Variants in MBNL1 observed in about 807,000 individuals in gnomAD.
MBNL1 encodes muscleblind like splicing regulator 1.
Under a neutral mutation model 42.2 loss-of-function variants are expected in MBNL1, and 8 were observed. That is an observed-to-expected ratio of 0.19 (90% CI 0.11 to 0.34). The LOEUF is 0.34. Ranked by LOEUF, MBNL1 falls within the 10% of genes least tolerant of loss-of-function variation. The pLI, the probability that MBNL1 is intolerant of heterozygous loss-of-function variation, is 1.00. For missense variants in MBNL1, 309 were observed against 495.3 expected, an observed-to-expected ratio of 0.62 and a Z score of 3.57; for synonymous variants, 169 against 173.9, an observed-to-expected ratio of 0.97 and a Z score of 0.22.
At chr3:152,284,309 T>C (rs1399762263) in intron 1 of MBNL1, among the ~76,000 whole-genome samples, 1 of 152,150 alleles carries the variant, frequency 6.6e-6, no homozygotes, top group Non-Finnish European at 1.5e-5. Flanking sequence ...GGAAATATTT[T>C]GAGACAGCAG....
At chr3:152,397,576 A>G (rs1388082855) in intron 2 of MBNL1, among the ~76,000 whole-genome samples, 11 of 152,226 alleles carry the variant, frequency 7.2e-5, no homozygotes, top group Admixed American at 6.5e-4. Flanking sequence ...CATGGTGTAT[A>G]TGTGCCACAT....
intron 2 of MBNL1, among the ~76,000 whole-genome samples, chr3:152,320,001 C>T (rs544556141): frequency 3.4e-4 from 52 of 152,102 alleles, no homozygotes; most frequent in Admixed American, 2.0e-3. Flanking sequence ...CTACATTATT[C>T]TTGATTTTAC....
chr3:152,379,297 G>C (rs2097074205), intron 2 of MBNL1, among the ~76,000 whole-genome samples: 2 of 152,240 alleles, frequency 1.3e-5, no homozygotes, highest in Middle Eastern at 3.4e-3. Context: ...AATATTATCA[G>C]AGTTTTCTGT....
chr3:152,248,403 A>G (rs929693283), intron 2 of MBNL1, among the ~76,000 whole-genome samples: 11 of 152,064 alleles, frequency 7.2e-5, no homozygotes, highest in African/African-American at 2.7e-4. Context: ...TAAAAATAAA[A>G]AAGTATAATG....
intron 3 of MBNL1, among the ~76,000 whole-genome samples, chr3:152,424,639 A>C (rs1201440767): frequency 2.0e-5 from 3 of 152,188 alleles, no homozygotes; most frequent in East Asian, 3.9e-4. Flanking sequence ...CCTAAGCGAA[A>C]AGAACAAAGC....
chr3:152,457,358 G>A (rs374465601), intron 8 of MBNL1, among the ~76,000 whole-genome samples: 1 of 152,192 alleles, frequency 6.6e-6, no homozygotes, highest in East Asian at 1.9e-4. Context: ...TCAAAAGAAT[G>A]AGTGTCAGAT....
chr3:152,359,090 T>G (rs1010858104), intron 2 of MBNL1, among the ~76,000 whole-genome samples: 3 of 152,214 alleles, frequency 2.0e-5, no homozygotes, highest in Admixed American at 6.5e-5. Flanking sequence ...ATCCCTGAAA[T>G]AACACAATTT....
chr3:152,364,553 TGTACA>T lies in MBNL1; in HGVS notation c.175-50384_175-50380del, dbSNP rs376049168. ...TATTAATCAGATTTGCCCTTTGAAT[TGTACA>T]GTAAGAGCTGTAATGGCATTACATA... On this transcript the variant is annotated intron_variant, in intron 2 of 9. Coordinates refer to ENST00000324210, the MANE Select transcript of MBNL1 (RefSeq NM_021038.5). 2.2e-4 allele frequency among the ~76,000 whole-genome samples: 34 copies of T among 152,184 alleles called. No homozygotes were observed. In the East Asian group the frequency reaches 6.6e-3, roughly 29 times the overall value.
intron 6 of MBNL1, among the ~76,000 whole-genome samples, chr3:152,453,300 A>G (rs1224397937): frequency 1.3e-5 from 2 of 152,110 alleles, no homozygotes; most frequent in Non-Finnish European, 2.9e-5. Flanking sequence ...AGTAATTTTA[A>G]GTATGCATAC....
At chr3:152,422,077 A>T (rs866967291) in intron 3 of MBNL1, among the ~76,000 whole-genome samples, 1 of 152,196 alleles carries the variant, frequency 6.6e-6, no homozygotes, top group African/African-American at 2.4e-5. Context: ...TTCACACATA[A>T]CAATATTAAC....
chr3:152,306,092 A>T (rs531121499), intron 2 of MBNL1, among the ~76,000 whole-genome samples: 2 of 152,274 alleles, frequency 1.3e-5, no homozygotes, highest in East Asian at 3.9e-4. Context: ...ATCTCTGACC[A>T]TTACATTTCT....
At chr3:152,323,883 C>G (rs1286518965) in intron 2 of MBNL1, among the ~76,000 whole-genome samples, 2 of 152,128 alleles carry the variant, frequency 1.3e-5, no homozygotes, top group Admixed American at 1.3e-4. Flanking sequence ...GTGAAAAAAT[C>G]TAGTTCTATG....
At chr3:152,404,747 ATAGT>A (rs2098377511) in intron 2 of MBNL1, among the ~76,000 whole-genome samples, 1 of 149,422 alleles carries the variant, frequency 6.7e-6, no homozygotes, top group African/African-American at 2.4e-5. Flanking sequence ...TCATTATATA[ATAGT>A]TTTTAAATTA....
At chr3:152,363,285 G>C (rs2096120319) in intron 2 of MBNL1, among the ~76,000 whole-genome samples, 1 of 152,028 alleles carries the variant, frequency 6.6e-6, no homozygotes, top group Non-Finnish European at 1.5e-5. Context: ...AGCTGTTATG[G>C]GATTTTATGT....
intron 2 of MBNL1, among the ~76,000 whole-genome samples, chr3:152,253,626 T>G (rs1216039397): frequency 2.0e-5 from 3 of 152,082 alleles, no homozygotes; most frequent in Admixed American, 6.6e-5. Context: ...CTCATATCCT[T>G]TCATCTCTTC....
At chr3:152,301,417 A>T (rs1378768387) in intron 2 of MBNL1, among the ~76,000 whole-genome samples, 1 of 152,208 alleles carries the variant, frequency 6.6e-6, no homozygotes, top group African/African-American at 2.4e-5. Flanking sequence ...TAAAAGTCTC[A>T]TAGATCCATC....
chr3:152,428,564 C>T (rs2098966484), intron 3 of MBNL1, among the ~76,000 whole-genome samples: 1 of 152,058 alleles, frequency 6.6e-6, no homozygotes, highest in Admixed American at 6.6e-5. Context: ...GAGGATAAAC[C>T]ATGTTTAAAA....
chr3:152,343,238 A>G (rs1338477050), intron 2 of MBNL1, among the ~76,000 whole-genome samples: 1 of 152,202 alleles, frequency 6.6e-6, no homozygotes, highest in Non-Finnish European at 1.5e-5. Flanking sequence ...TGTTAAGCAG[A>G]TGATGGGATT....
At chr3:152,370,457 AGAAGAATG>A (rs2096609414) in intron 2 of MBNL1, among the ~76,000 whole-genome samples, 1 of 152,194 alleles carries the variant, frequency 6.6e-6, no homozygotes, top group South Asian at 2.1e-4. Context: ...TGTGGTGCTG[AGAAGAATG>A]TATATTCTGT....
Sources: allele counts gnomAD v4.1 joint callset (sites outside exome capture counted in the v4.1 genomes callset), GRCh38; gene constraint gnomAD v4.1.1; transcripts MANE v1.5; gene names NCBI Gene and HGNC (gene_info 2026-07-23, HGNC 2026-07-21).